Variants in NRG1 observed in about 807,000 individuals in gnomAD.
NRG1 encodes neuregulin 1.
NRG1 carries 18 observed loss-of-function variants against 63.8 expected under a neutral mutation model. That is an observed-to-expected ratio of 0.28 (90% CI 0.19 to 0.42). The LOEUF is 0.42. Ranked by LOEUF, NRG1 falls within the 10% of genes least tolerant of loss-of-function variation. The pLI is 1.00. For missense variants in NRG1, 762 were observed against 814.7 expected, an observed-to-expected ratio of 0.94 and a Z score of 0.79; for synonymous variants, 302 against 301.3, an observed-to-expected ratio of 1.00 and a Z score of -0.02.
intron 1 of NRG1, among the ~76,000 whole-genome samples, chr8:32,537,517 C>A (rs1049800053): frequency 6.6e-6 from 1 of 152,154 alleles, no homozygotes; most frequent in East Asian, 1.9e-4. Flanking sequence ...TTTACCTATT[C>A]TTTGGGCATG....
At chr8:32,103,315 C>T (rs1357787381) in intron 1 of NRG1, among the ~76,000 whole-genome samples, 3 of 152,184 alleles carry the variant, frequency 2.0e-5, no homozygotes, top group Admixed American at 6.5e-5. Context: ...GCTTATTTCA[C>T]TTAACATGAT....
chr8:32,434,053 G>A (rs1406365184), intron 1 of NRG1, among the ~76,000 whole-genome samples: 1 of 152,000 alleles, frequency 6.6e-6, no homozygotes, highest in Non-Finnish European at 1.5e-5. Context: ...GGGCGTGGTG[G>A]CACGTGCCTG....
At chr8:31,835,342 C>T (rs1035611850) in intron 1 of NRG1, among the ~76,000 whole-genome samples, 4 of 152,112 alleles carry the variant, frequency 2.6e-5, no homozygotes, top group African/African-American at 4.8e-5. Context: ...TCTAGAATCT[C>T]GTCATTTAGA....
chr8:32,672,766 A>G (rs1322884117), intron 5 of NRG1, among the ~76,000 whole-genome samples: 1 of 38,252 alleles, frequency 2.6e-5, no homozygotes, highest in African/African-American at 5.0e-5. Context: ...TTAAAATAAT[A>G]TCAATAACAA....
chr8:31,723,785 A>G (rs1055872167), intron 1 of NRG1, among the ~76,000 whole-genome samples: 2 of 152,146 alleles, frequency 1.3e-5, no homozygotes, highest in Non-Finnish European at 2.9e-5. Context: ...CTAATTTAGA[A>G]ATGAAGAAAG....
chr8:32,237,537 A>G (rs796207433), intron 1 of NRG1, among the ~76,000 whole-genome samples: 8 of 152,168 alleles, frequency 5.3e-5, no homozygotes, highest in African/African-American at 1.7e-4. Flanking sequence ...ACACAAAACT[A>G]GCTTATTTTT....
chr8:32,077,118 G>A lies in NRG1; in HGVS notation c.37+437687G>A, dbSNP rs151226053. Among the ~76,000 whole-genome samples, 1,161 of 152,288 alleles carry A rather than the reference G, an allele frequency of 7.6e-3. 7 individuals are homozygous for A. Among genetic ancestry groups the A allele is most frequent in the Middle Eastern group, 0.045 (13 of 292 alleles). ...ATGTTGGCTCACGCCTGTAATCCCA[G>A]CACTTTGGGAGGCTGAGGCAGGTGG... On this transcript the variant is annotated intron_variant, in intron 1 of 10. Transcript: ENST00000519301.
intron 1 of NRG1, among the ~76,000 whole-genome samples, chr8:32,513,028 A>T (rs1161748796): frequency 2.6e-5 from 4 of 152,168 alleles, no homozygotes; most frequent in African/African-American, 9.7e-5. Flanking sequence ...AACTTGGGAC[A>T]GTAAAATTGT....
chr8:31,825,407 T>G (rs1490440189), intron 1 of NRG1, among the ~76,000 whole-genome samples: 1 of 152,060 alleles, frequency 6.6e-6, no homozygotes, highest in Non-Finnish European at 1.5e-5. Flanking sequence ...AAAAAGTATT[T>G]TATACTTAAG....
In NRG1 at chr8:32,758,009, C is replaced by G. The variant is rs531453922; in HGVS notation, c.922-1297C>G. Among the ~76,000 whole-genome samples, 6 of 152,280 alleles carry G rather than the reference C, an allele frequency of 3.9e-5. No individual in the cohort carries two copies. In the East Asian group the frequency reaches 9.7e-4, roughly 25 times the overall value. On this transcript the variant is annotated intron_variant, in intron 9 of 11. Transcript: ENST00000356819. ...AGCTAGCTGTACTTCCCAGGAAGAT[C>G]CACATGGAATAGCCTTTCCACTAAG...
At chr8:32,377,334 C>T (rs1335979697) in intron 1 of NRG1, among the ~76,000 whole-genome samples, 1 of 152,196 alleles carries the variant, frequency 6.6e-6, no homozygotes, top group Non-Finnish European at 1.5e-5. Flanking sequence ...ACATTTTCCA[C>T]TACTAAGTGA....
intron 1 of NRG1, among the ~76,000 whole-genome samples, chr8:32,589,138 A>G (rs974097456): frequency 6.6e-6 from 1 of 152,242 alleles, no homozygotes; most frequent in African/African-American, 2.4e-5. Flanking sequence ...CTATATTTAC[A>G]CATTTGATAA....
intron 1 of NRG1, among the ~76,000 whole-genome samples, chr8:32,431,227 A>G (rs1316551512): frequency 1.3e-5 from 2 of 152,194 alleles, no homozygotes; most frequent in Non-Finnish European, 1.5e-5. Context: ...TTTATTTTAT[A>G]TCAAGTGAAC....
chr8:32,644,679 G>C (rs1011065422), intron 5 of NRG1, among the ~76,000 whole-genome samples: 1 of 152,178 alleles, frequency 6.6e-6, no homozygotes, highest in Non-Finnish European at 1.5e-5. Context: ...AAGGGAAAGA[G>C]TACTTGTGGC....
At chr8:32,074,710 CTG>C (rs1297756143) in intron 1 of NRG1, among the ~76,000 whole-genome samples, 3 of 152,116 alleles carry the variant, frequency 2.0e-5, no homozygotes, top group African/African-American at 7.2e-5. Flanking sequence ...CAGTCAGTGT[CTG>C]TTATGAATTC....
At chr8:32,336,855 C>G (rs982758324) in intron 1 of NRG1, among the ~76,000 whole-genome samples, 1 of 152,162 alleles carries the variant, frequency 6.6e-6, no homozygotes, top group African/African-American at 2.4e-5. Context: ...GGTGATCCAC[C>G]CGCCTCAGCC....
At chr8:32,596,409 G>T (rs780991006) in intron 2 of NRG1, among the ~76,000 whole-genome samples, 1 of 152,018 alleles carries the variant, frequency 6.6e-6, no homozygotes, top group Non-Finnish European at 1.5e-5. Context: ...TTCGAGACCA[G>T]CCTGGCCAAC....
chr8:32,254,193 G>A lies in NRG1; in HGVS notation c.38-341635G>A, dbSNP rs192423502. Among the ~76,000 whole-genome samples, 522 of 152,006 alleles carry A rather than the reference G, an allele frequency of 3.4e-3. 6 individuals are homozygous for A. Among genetic ancestry groups the A allele is most frequent in the African/African-American group, 0.012 (493 of 41,434 alleles). ...GTTTTTCATGTCTCTATCTCCTTCC[G>A]TTCTGCTCTGTTCTTAGTTATTTCT... On this transcript the variant is annotated intron_variant, in intron 1 of 10. Transcript: ENST00000519301.
chr8:32,446,096 G>T (rs6468104), intron 1 of NRG1, among the ~76,000 whole-genome samples: 105,720 of 152,080 alleles, frequency 0.7, 37,161 homozygotes, highest in East Asian at 0.89. Flanking sequence ...CTTTAACAAC[G>T]GTCTCTGGAG....
Sources: allele counts gnomAD v4.1 joint callset (sites outside exome capture counted in the v4.1 genomes callset), GRCh38; gene constraint gnomAD v4.1.1; transcripts MANE v1.5; gene names NCBI Gene and HGNC (gene_info 2026-07-23, HGNC 2026-07-21).